CFTR: variants seen among roughly 807,000 people sequenced by gnomAD.
CFTR encodes the protein CF transmembrane conductance regulator.
CFTR carries 181 observed loss-of-function variants against 171.6 expected under a neutral mutation model. The observed-to-expected ratio is 1.05, with a 90% CI of 0.93 to 1.19. The LOEUF is 1.19. Among genes scored for constraint, CFTR ranks in the 50% most tolerant of loss-of-function variants. The pLI is 0.00. For synonymous variants in CFTR, 583 were observed against 608.0 expected (o/e 0.96, Z 0.60); for missense variants, 1,968 against 1,734.7 (o/e 1.13, Z -2.39).
At chr7:117,566,685 G>A (rs1334080470) in intron 11 of CFTR, among the ~76,000 whole-genome samples, 1 of 151,612 alleles carries the variant, frequency 6.6e-6, no homozygotes, top group African/African-American at 2.4e-5. Context: ...TTTCATTTGA[G>A]CCCTGGAACT....
intron 9 of CFTR, among the ~76,000 whole-genome samples, chr7:117,546,898 A>C (rs960223414): frequency 1.2e-4 from 18 of 152,184 alleles, no homozygotes; most frequent in African/African-American, 4.3e-4. Context: ...CCTAGCATGT[A>C]TGTCATTTAT....
At chr7:117,533,732 T>C (rs1337770638) in intron 4 of CFTR, among the ~76,000 whole-genome samples, 2 of 152,154 alleles carry the variant, frequency 1.3e-5, no homozygotes, top group Admixed American at 1.3e-4. Context: ...TAAAAAATAA[T>C]TTACCTGCTT....
chr7:117,580,187 G>A (rs1791829479), intron 11 of CFTR, among the ~76,000 whole-genome samples: 2 of 151,978 alleles, frequency 1.3e-5, no homozygotes, highest in African/African-American at 2.4e-5. Flanking sequence ...TTTAACATAT[G>A]CAGCAAAAAA....
In CFTR at chr7:117,587,776, T is replaced by C. The variant is rs1791965061; in HGVS notation, c.1622T>C (p.Leu541Pro). Residue 541 changes from leucine (L) to proline (P), a missense_variant, in exon 12 of 27, where the codon CTT (leucine) becomes CCT (proline). Transcript: ENST00000003084. ...SKFAEKDNIV[L>P]GEGGITLSGG... is the part of the protein sequence containing the mutation. ...TTTGCAGAGAAAGACAATATAGTTC[T>C]TGGAGAAGGTGGAATCACACTGAGT... 4 of 1,612,322 alleles carry C rather than the reference T, an allele frequency of 2.5e-6. No individual in the cohort carries two copies. The highest frequency in any genetic ancestry group is 2.5e-6 in the Non-Finnish European group (3 of 1,178,576).
chr7:117,581,224 A>G (rs1241474013), intron 11 of CFTR, among the ~76,000 whole-genome samples: 1 of 152,174 alleles, frequency 6.6e-6, no homozygotes, highest in Non-Finnish European at 1.5e-5. Context: ...TCACATGGCT[A>G]CATACATACC....
At chr7:117,648,470 C>T (rs1484919405) in intron 23 of CFTR, among the ~76,000 whole-genome samples, 1 of 152,038 alleles carries the variant, frequency 6.6e-6, no homozygotes, top group Admixed American at 6.6e-5. Context: ...TCTTATTTTT[C>T]TCTGGGTCTC....
intron 23 of CFTR, among the ~76,000 whole-genome samples, chr7:117,649,473 C>CAT (rs144652339): frequency 0.084 from 11,358 of 135,464 alleles, 1,041 homozygotes; most frequent in African/African-American, 0.23. Flanking sequence ...TATATCTGTA[C>CAT]ATATATATAT....
chr7:117,646,634 G>A (rs1221505549), intron 23 of CFTR, among the ~76,000 whole-genome samples: 1 of 152,108 alleles, frequency 6.6e-6, no homozygotes, highest in Non-Finnish European at 1.5e-5. Context: ...GTGAAAGGGT[G>A]GTGGAGGACA....
intron 21 of CFTR, among the ~76,000 whole-genome samples, chr7:117,615,657 G>C (rs1445737466): frequency 1.3e-5 from 2 of 151,510 alleles, no homozygotes; most frequent in African/African-American, 2.4e-5. Flanking sequence ...TGGTTTTCTA[G>C]AATGCAGAGC....
chr7:117,552,222 G>A (rs1409159727), intron 10 of CFTR, among the ~76,000 whole-genome samples: 2 of 151,910 alleles, frequency 1.3e-5, no homozygotes, highest in Non-Finnish European at 2.9e-5. Context: ...TTGAACTCCT[G>A]GGCTCAATTG....
At position 117,594,935 on chromosome 7, in the gene CFTR, C is replaced by T. The variant is rs397508388; in HGVS notation, c.2496C>T (p.Cys832=). 1 of 1,612,698 alleles carries T rather than the reference C, an allele frequency of 6.2e-7. No individual in the cohort carries two copies. The highest frequency in any genetic ancestry group is 8.5e-7 in the Non-Finnish European group (1 of 1,179,208). Residue 832 remains cysteine, a synonymous_variant, in exon 15 of 27, where the codon TGC becomes TGT. Coordinates refer to ENST00000003084, the MANE Select transcript of CFTR (RefSeq NM_000492.4). ...GCCATAATTCTTTTATTCAGGAGTG[C>T]TTTTTTGATGATATGGAGAGCATAC... ...EEINEEDLKE[C]FFDDMESIPA... is the part of the protein sequence containing the mutation.
At position 117,611,648 on chromosome 7, in the gene CFTR, A is replaced by T. The variant is rs1307874515; in HGVS notation, c.3207A>T (p.Gly1069=). ...GACTATGGACACTTCGTGCCTTCGGACGGCAGCCTTACTTTGAAACTCTGT... is the reference window on the plus strand; with the variant it reads ...GACTATGGACACTTCGTGCCTTCGGTCGGCAGCCTTACTTTGAAACTCTGT... The part of the protein sequence containing the change: ...LKGLWTLRAF[G]RQPYFETLFH... The change falls in exon 20 of 27, where the codon GGA becomes GGT. Residue 1069 remains glycine, a synonymous_variant. Coordinates refer to ENST00000003084, the MANE Select transcript of CFTR (RefSeq NM_000492.4). The T allele has an allele frequency of 6.2e-7, 1 of 1,613,596 alleles. No individual in the cohort carries two copies. The highest frequency in any genetic ancestry group is 2.2e-5 in the East Asian group (1 of 44,838).
intron 24 of CFTR, among the ~76,000 whole-genome samples, chr7:117,655,004 G>T (rs547605259): frequency 6.6e-6 from 1 of 152,246 alleles, no homozygotes; most frequent in Non-Finnish European, 1.5e-5. Context: ...TTCTGTTTAG[G>T]TGGCTGACTA....
intron 17 of CFTR, among the ~76,000 whole-genome samples, chr7:117,605,433 T>C (rs751040810): frequency 1.1e-4 from 16 of 152,164 alleles, no homozygotes; most frequent in Non-Finnish European, 2.4e-4. Flanking sequence ...ACAAAATAAA[T>C]GTGGCATGAA....
At chr7:117,519,638 C>T (rs1236171746) in intron 3 of CFTR, among the ~76,000 whole-genome samples, 2 of 151,762 alleles carry the variant, frequency 1.3e-5, no homozygotes, top group Non-Finnish European at 2.9e-5. Context: ...CAGCTTTTTC[C>T]CATGGGAATT....
chr7:117,656,348 G>A (rs986961446), intron 24 of CFTR, among the ~76,000 whole-genome samples: 38 of 152,102 alleles, frequency 2.5e-4, no homozygotes, highest in Non-Finnish European at 7.4e-5. Context: ...GTTTTCTTTC[G>A]AAGTCGCCAG....
chr7:117,574,319 G>C (rs2518872), intron 11 of CFTR, among the ~76,000 whole-genome samples: 31,233 of 151,878 alleles, frequency 0.21, 5,875 homozygotes, highest in African/African-American at 0.5. Flanking sequence ...AATGTATTTT[G>C]TTTTAAAATA....
intron 1 of CFTR, among the ~76,000 whole-genome samples, chr7:117,493,609 T>C (rs1049106602): frequency 1.3e-5 from 2 of 152,006 alleles, no homozygotes; most frequent in African/African-American, 4.8e-5. Context: ...AAAATGAAAG[T>C]AGCGTTAGTA....
chr7:117,558,506 A>G (rs1799398732), intron 10 of CFTR, among the ~76,000 whole-genome samples: 1 of 151,954 alleles, frequency 6.6e-6, no homozygotes, highest in Non-Finnish European at 1.5e-5. Context: ...GTGAGCCGAG[A>G]TCGCGCCACT....
Sources: allele counts gnomAD v4.1 joint callset (sites outside exome capture counted in the v4.1 genomes callset), GRCh38; gene constraint gnomAD v4.1.1; transcripts MANE v1.5; gene names NCBI Gene and HGNC (gene_info 2026-07-23, HGNC 2026-07-21).